DNAH3: variants seen among roughly 807,000 people sequenced by gnomAD.
DNAH3 encodes the protein dynein axonemal heavy chain 3, also known as axonemal beta dynein heavy chain 3.
DNAH3 carries 332 observed loss-of-function variants against 432.5 expected under a neutral mutation model. That is an observed-to-expected ratio of 0.77 (90% CI 0.70 to 0.84). The LOEUF is 0.84. Ranked by LOEUF, DNAH3 falls within the 40% of genes least tolerant of loss-of-function variation. DNAH3 has a pLI of 0.00. For missense variants in DNAH3, 4,861 were observed against 5,114.0 expected (o/e 0.95, Z 1.51); for synonymous variants, 1,956 against 1,900.2 (o/e 1.03, Z -0.76).
At chr16:21,002,028 T>A (rs2087044916) in intron 42 of DNAH3, among the ~76,000 whole-genome samples, 1 of 152,190 alleles carries the variant, frequency 6.6e-6, no homozygotes, top group South Asian at 2.1e-4. Context: ...TGCTGGGGGT[T>A]GCTTTACAAC....
intron 23 of DNAH3, among the ~76,000 whole-genome samples, chr16:21,069,039 C>T (rs991605650): frequency 2.0e-5 from 3 of 152,128 alleles, no homozygotes; most frequent in Admixed American, 6.5e-5. Flanking sequence ...ATCCTCCCAC[C>T]TCAGCCCTCC....
rs564888303 is a variant in DNAH3 at position 21,134,216 on chromosome 16, T to C, written c.1082+43A>G. The C allele has an allele frequency of 5.7e-6, 9 of 1,570,972 alleles. No individual in the cohort carries two copies. The African/African-American group carries it at 8.1e-5, about 14-fold the overall frequency. On this transcript the variant is annotated intron_variant, in intron 7 of 61. Transcript: ENST00000261383. ...GAATAGGCTTGCTTACACGTGGATGTGGTCAAGAAAGGGAATGAAAAAAAA... is the reference window on the plus strand; with the variant it reads ...GAATAGGCTTGCTTACACGTGGATGCGGTCAAGAAAGGGAATGAAAAAAAA...
chr16:21,024,869 C>A (rs1476454058), intron 38 of DNAH3, among the ~76,000 whole-genome samples, 168 bp from the exon 39 acceptor site: 1 of 152,100 alleles, frequency 6.6e-6, no homozygotes, highest in African/African-American at 2.4e-5. Flanking sequence ...GTTCATCTGC[C>A]CCTTGATTTC....
chr16:21,156,276 G>A (rs1188032132), intron 1 of DNAH3, among the ~76,000 whole-genome samples: 2 of 150,410 alleles, frequency 1.3e-5, no homozygotes, highest in East Asian at 2.0e-4. Flanking sequence ...TTGTTGCCCA[G>A]GCTAGAGTGC....
intron 31 of DNAH3, among the ~76,000 whole-genome samples, chr16:21,046,464 TAA>T (rs2089701735): frequency 6.6e-6 from 1 of 151,426 alleles, no homozygotes; most frequent in South Asian, 2.1e-4. Context: ...TTTGTTGGTT[TAA>T]AGTCTGTTTT....
At chr16:21,104,395 GA>G in intron 16 of DNAH3, 75 bp downstream of exon 16, 1 of 1,343,126 alleles carries the variant, frequency 7.4e-7, no homozygotes, top group South Asian at 1.2e-5. Context: ...GGATGGCTTA[GA>G]CAGAACCAGG....
exon 40 of DNAH3, chr16:21,021,996 C>G: frequency 6.2e-7 from 1 of 1,613,846 alleles, no homozygotes; most frequent in African/African-American, 1.3e-5. Flanking sequence ...ACAGTCTCAT[C>G]ATTGAGAAGG....
At chr16:20,981,073 A>C (rs1173845065) in intron 49 of DNAH3, among the ~76,000 whole-genome samples, 1 of 152,226 alleles carries the variant, frequency 6.6e-6, no homozygotes, top group East Asian at 1.9e-4. Flanking sequence ...AGTGGGCAGC[A>C]GGTCTAAAAA....
chr16:21,157,691 G>A (rs186642679), intron 1 of DNAH3, among the ~76,000 whole-genome samples: 2 of 152,160 alleles, frequency 1.3e-5, no homozygotes, highest in East Asian at 3.8e-4. Flanking sequence ...AAGAGGAGAG[G>A]TCGGTCAACA....
chr16:20,952,923 G>A (rs998860103), intron 55 of DNAH3, among the ~76,000 whole-genome samples: 4 of 152,122 alleles, frequency 2.6e-5, no homozygotes, highest in Non-Finnish European at 4.4e-5. Context: ...ACAGAGCCAC[G>A]TTGGTTCTGA....
intron 40 of DNAH3, among the ~76,000 whole-genome samples, chr16:21,020,264 C>T (rs2088095918): frequency 6.9e-6 from 1 of 145,972 alleles, no homozygotes. Flanking sequence ...TCAAGCAATC[C>T]ACCCACCTCG....
At chr16:20,966,853 G>A (rs545381008) in intron 52 of DNAH3, among the ~76,000 whole-genome samples, 137 of 152,276 alleles carry the variant, frequency 9.0e-4, no homozygotes, top group African/African-American at 3.1e-3. Context: ...GCAGCTTGCA[G>A]GCTTCCACCC....
At chr16:21,153,578 G>C (rs564537381) in intron 1 of DNAH3, among the ~76,000 whole-genome samples, 3 of 152,264 alleles carry the variant, frequency 2.0e-5, no homozygotes, top group Non-Finnish European at 2.9e-5. Flanking sequence ...TCTACAACGT[G>C]GAAGGTTTGT....
At chr16:21,146,767 C>CTT (rs201298507) in intron 1 of DNAH3, among the ~76,000 whole-genome samples, 2,215 of 146,426 alleles carry the variant, frequency 0.015, 57 homozygotes, top group African/African-American at 0.05. Flanking sequence ...TTCTTTCTTT[C>CTT]TTTTTTTTTT....
At chr16:21,054,398 C>T (rs1219045485) in intron 28 of DNAH3, 22 bp downstream of exon 28, 1 of 1,573,860 alleles carries the variant, frequency 6.4e-7, no homozygotes, top group Non-Finnish European at 8.7e-7. Context: ...TCAGTAATGA[C>T]AGGGGAAGCC....
intron 1 of DNAH3, among the ~76,000 whole-genome samples, chr16:21,147,160 C>T (rs1254511111): frequency 1.3e-5 from 2 of 152,050 alleles, no homozygotes; most frequent in East Asian, 1.9e-4. Context: ...ATTCTGAGGA[C>T]ATCCCCAGTA....
chr16:21,002,859 C>G (rs2087096414), intron 42 of DNAH3, among the ~76,000 whole-genome samples: 1 of 152,196 alleles, frequency 6.6e-6, no homozygotes, highest in African/African-American at 2.4e-5. Flanking sequence ...CACCTCCAAC[C>G]TCTGCAACCA....
At chr16:21,078,411 A>C (rs1415301017) in intron 20 of DNAH3, among the ~76,000 whole-genome samples, 1 of 152,202 alleles carries the variant, frequency 6.6e-6, no homozygotes, top group Non-Finnish European at 1.5e-5. Context: ...AGAAAATTAC[A>C]AACAAGGACT....
At chr16:20,935,239 A>G (rs1347616467) in intron 61 of DNAH3, 109 bp downstream of exon 61, 1 of 1,301,330 alleles carries the variant, frequency 7.7e-7, no homozygotes, top group African/African-American at 1.5e-5. Context: ...GTACCATTTC[A>G]GAAGCATTTG....
Sources: gnomAD v4.1 joint callset for allele counts (sites outside exome capture counted in the v4.1 genomes callset) on GRCh38, gnomAD v4.1.1 for gene constraint, MANE v1.5 for transcripts, NCBI Gene and HGNC (gene_info 2026-07-23, HGNC 2026-07-21) for gene names.